Variants in PABIR3 observed in about 807,000 individuals in gnomAD.
PABIR3 encodes the protein PABIR family member 3.
In PABIR3, 20 loss-of-function variants were observed where a neutral mutation model predicts 23.1. The observed-to-expected ratio is 0.86, with a 90% CI of 0.61 to 1.26. The LOEUF (loss-of-function observed/expected upper bound fraction) is 1.26, where lower values mean the gene tolerates loss of function less well. PABIR3 is among the 50% of genes most tolerant of loss of function. PABIR3 has a pLI of 0.00. For synonymous variants in PABIR3, 69 were observed against 68.5 expected (o/e 1.01, Z -0.04); for missense variants, 189 against 195.4 (o/e 0.97, Z 0.20).
chrX:134,831,901 AC>A (rs2081797618), intron 4 of PABIR3, among the ~76,000 whole-genome samples: 1 of 111,226 alleles, frequency 9.0e-6, no homozygotes, highest in Non-Finnish European at 1.9e-5. Context: ...CCCCTCATTT[AC>A]CCTTCCCAGC....
At chrX:134,809,216 A>C (rs2080462927) in intron 2 of PABIR3, 1 of 130,908 alleles carries the variant, frequency 7.6e-6, no homozygotes, top group East Asian at 2.8e-4. Context: ...CCCAGGCTGG[A>C]GTGCAGTGGC....
chrX:134,845,570 T>C (rs905846517), intron 6 of PABIR3, among the ~76,000 whole-genome samples, 169 bp downstream of exon 6: 2 of 111,749 alleles, frequency 1.8e-5, no homozygotes, highest in Non-Finnish European at 3.8e-5. Flanking sequence ...TTTTTTTTTT[T>C]GAGACAAGGT....
At chrX:134,802,095 T>C (rs1000029834) in intron 1 of PABIR3, among the ~76,000 whole-genome samples, 2 of 108,092 alleles carry the variant, frequency 1.9e-5, no homozygotes, top group Non-Finnish European at 3.8e-5. Flanking sequence ...TTCTTTTCTT[T>C]TCTTTTGAGA....
chrX:134,806,993 C>T (rs1316878870), upstream of PABIR3: 5 of 149,218 alleles, frequency 3.4e-5, no homozygotes, highest in Admixed American at 9.5e-5. Flanking sequence ...GGAAACCATG[C>T]CAGGGTTAGT....
downstream of PABIR3, among the ~76,000 whole-genome samples, chrX:134,856,714 A>T (rs2082751967): frequency 1.8e-5 from 2 of 111,435 alleles, no homozygotes; most frequent in African/African-American, 3.3e-5. Flanking sequence ...TGATTTTTTT[A>T]AATTATGGTA....
intron 4 of PABIR3, among the ~76,000 whole-genome samples, chrX:134,844,937 G>A (rs927458682): frequency 1.2e-4 from 13 of 112,043 alleles, no homozygotes; most frequent in African/African-American, 4.2e-4. Flanking sequence ...TAATGTTGTT[G>A]CTTTTGAATA....
chrX:134,806,251 C>T (rs1184163856), upstream of PABIR3, among the ~76,000 whole-genome samples: 2 of 112,382 alleles, frequency 1.8e-5, no homozygotes, highest in Non-Finnish European at 3.8e-5. Flanking sequence ...TAACTCAAAT[C>T]TTTGTAAATT....
chrX:134,811,265 G>T, intron 2 of PABIR3: 1 of 482,788 alleles, frequency 2.1e-6, no homozygotes, highest in East Asian at 1.8e-4. Context: ...TATACTTAAA[G>T]CTAGGAGTTT....
intron 1 of PABIR3, among the ~76,000 whole-genome samples, chrX:134,798,434 A>T (rs1488379047): frequency 8.9e-6 from 1 of 112,059 alleles, no homozygotes; most frequent in Non-Finnish European, 1.9e-5. Flanking sequence ...TGCTGGGGCC[A>T]CTGTGTGGAA....
chrX:134,811,811 T>C (rs1048136180), intron 2 of PABIR3, among the ~76,000 whole-genome samples: 7 of 111,943 alleles, frequency 6.3e-5, no homozygotes, highest in Admixed American at 3.8e-4. Flanking sequence ...TAAAATTTTA[T>C]TGGAATGGAA....
chrX:134,840,746 C>A (rs1173756620), intron 4 of PABIR3, among the ~76,000 whole-genome samples: 1 of 110,700 alleles, frequency 9.0e-6, no homozygotes, highest in Admixed American at 9.7e-5. Context: ...GTAAAACTGG[C>A]CCTGTCTTAC....
upstream of PABIR3, chrX:134,807,145 C>A: frequency 1.3e-6 from 1 of 771,233 alleles, no homozygotes; most frequent in Non-Finnish European, 1.5e-6. Context: ...TCATTGCCTG[C>A]ATCACAACAG....
chrX:134,855,400 CT>C (rs918971226), downstream of PABIR3, among the ~76,000 whole-genome samples: 1 of 108,944 alleles, frequency 9.2e-6, no homozygotes, highest in African/African-American at 3.3e-5. Context: ...TGCCACTGCA[CT>C]CCAGCCTGGG....
chrX:134,857,171 T>A (rs997556385), downstream of PABIR3, among the ~76,000 whole-genome samples: 5 of 111,989 alleles, frequency 4.5e-5, no homozygotes, highest in South Asian at 7.4e-4. Flanking sequence ...AAATTTATTG[T>A]TTCACAGTTC....
intron 10 of PABIR3, 31 bp downstream of exon 10, chrX:134,852,927 A>G: frequency 1.0e-6 from 1 of 998,430 alleles, no homozygotes; most frequent in Non-Finnish European, 1.3e-6. Flanking sequence ...TTAAACATTC[A>G]TTGATCATTT....
intron 2 of PABIR3, among the ~76,000 whole-genome samples, chrX:134,812,380 G>T (rs2080724374): frequency 8.9e-6 from 1 of 112,001 alleles, no homozygotes; most frequent in Admixed American, 9.6e-5. Context: ...ATGAGTGACT[G>T]CCAGAACATA....
rs779263878 is a variant in PABIR3, at chrX:134,821,088, G to A, written c.189+6239G>A. ...TTTTATATTATATGTGTGTGTGTGT[G>A]TATATATATATATATATGGGTGTGT... On this transcript the variant is annotated intron_variant, in intron 3 of 10. Coordinates refer to ENST00000645433, the MANE Select transcript of PABIR3 (RefSeq NM_001388447.1). Among the ~76,000 whole-genome samples, 205 of 96,825 alleles carry A rather than the reference G, an allele frequency of 2.1e-3. 3 individuals carry two copies. The highest frequency in any genetic ancestry group is 7.2e-3 in the African/African-American group (189 of 26,308). The allele number at this position is 96,825 out of a possible 115,157, so 84.1% of individuals were successfully genotyped here.
At position 134,852,886 on chromosome X, in the gene PABIR3, A is replaced by G; in HGVS notation, c.676A>G (p.Asn226Asp). The G allele has an allele frequency of 8.9e-7, 1 of 1,121,314 alleles. No individual in the cohort carries two copies. The allele number at this position is 1,121,314 out of a possible 1,213,427, so 92.4% of individuals were successfully genotyped here. Residue 226 changes from asparagine (N) to aspartate (D), a missense_variant, in exon 10 of 11, where the codon AAT (asparagine) becomes GAT (aspartate). Asn to Asp is a conservative substitution (Grantham distance 23, BLOSUM62 1). Transcript: ENST00000645433. ...LSSDTSQLSE[N>D]NVYLLPATFD... Reference sequence around the variant, plus strand: ...TTCTGATACTTCCCAACTGTCAGAAAATAATGTGTAGTGAGTATTAACATG... The same window carrying G: ...TTCTGATACTTCCCAACTGTCAGAAGATAATGTGTAGTGAGTATTAACATG...
intron 3 of PABIR3, among the ~76,000 whole-genome samples, chrX:134,820,115 G>T (rs2081191961): frequency 9.0e-6 from 1 of 110,896 alleles, no homozygotes; most frequent in South Asian, 3.8e-4. Flanking sequence ...ATTAGACCCA[G>T]GGTTCAAAAT....
Sources: allele counts gnomAD v4.1 joint callset (sites outside exome capture counted in the v4.1 genomes callset), GRCh38; gene constraint gnomAD v4.1.1; transcripts MANE v1.5; gene names NCBI Gene and HGNC (gene_info 2026-07-23, HGNC 2026-07-21).